GRIN2A: variants seen among roughly 807,000 people sequenced by gnomAD.
GRIN2A encodes the protein glutamate receptor ionotropic, NMDA 2A.
GRIN2A carries 22 observed loss-of-function variants against 113.4 expected under a neutral mutation model. The ratio of observed to expected loss-of-function variants is 0.19; its 90% CI spans 0.14 to 0.28. The LOEUF is 0.28. Ranked by LOEUF, GRIN2A falls within the 10% of genes least tolerant of loss-of-function variation. The pLI is 1.00. For synonymous variants in GRIN2A, 827 were observed against 738.4 expected (o/e 1.12, Z -1.94); for missense variants, 1,502 against 1,887.0 (o/e 0.80, Z 3.78).
chr16:9,927,861 A>T (rs1320784655), intron 3 of GRIN2A, among the ~76,000 whole-genome samples: 23 of 152,230 alleles, frequency 1.5e-4, no homozygotes, highest in Admixed American at 1.5e-3. Flanking sequence ...AAATGAGCAC[A>T]TTTCTCAGGA....
intron 2 of GRIN2A, among the ~76,000 whole-genome samples, chr16:10,063,762 T>C (rs1398113270): frequency 3.3e-5 from 5 of 152,128 alleles, no homozygotes; most frequent in Admixed American, 2.0e-4. Flanking sequence ...ACAGTGTCCA[T>C]AGGAGTCAAA....
chr16:9,938,589 G>A (rs1312448327), intron 2 of GRIN2A, 38 bp from the exon 3 acceptor site: 2 of 1,496,496 alleles, frequency 1.3e-6, no homozygotes, highest in East Asian at 2.3e-5. Context: ...GGATGAGGCA[G>A]GAGGTGGTTT....
intron 2 of GRIN2A, among the ~76,000 whole-genome samples, chr16:10,162,232 G>C (rs1169110317): frequency 5.9e-5 from 9 of 152,196 alleles, no homozygotes; most frequent in Admixed American, 5.2e-4. Flanking sequence ...CAGAAAGGGA[G>C]CCCACATGAG....
chr16:10,012,585 G>A lies in GRIN2A; in HGVS notation c.415-74034C>T, dbSNP rs555695075. On this transcript the variant is annotated intron_variant, in intron 2 of 12. Coordinates refer to ENST00000330684, the MANE Select transcript of GRIN2A (RefSeq NM_001134407.3). ...CAAAGGTGTCCATGTCCTAATCCCT[G>A]GAACCTGTGAATATGTTACCTTACA... Among the ~76,000 whole-genome samples, 157 of 152,290 alleles carry A rather than the reference G, an allele frequency of 1.0e-3. 1 individual carries two copies. The highest frequency in any genetic ancestry group is 3.6e-3 in the African/African-American group (151 of 41,552).
chr16:10,179,893 C>CCCCACACAAAAAAAAAAA, intron 2 of GRIN2A, 105 bp downstream of exon 2: 2 of 719,818 alleles, frequency 2.8e-6, no homozygotes, highest in Non-Finnish European at 4.8e-6. Flanking sequence ...CCCCCACCCC[C>CCCCACACAAAAAAAAAAA]ACTTCACATC....
At chr16:10,000,304 T>C (rs2046297577) in intron 2 of GRIN2A, among the ~76,000 whole-genome samples, 1 of 152,204 alleles carries the variant, frequency 6.6e-6, no homozygotes, top group South Asian at 2.1e-4. Context: ...AGAACATGCA[T>C]GTGTTAACCA....
intron 7 of GRIN2A, among the ~76,000 whole-genome samples, chr16:9,834,665 A>G (rs2042557250): frequency 6.6e-6 from 1 of 152,242 alleles, no homozygotes; most frequent in South Asian, 2.1e-4. Flanking sequence ...TACAGGCGTG[A>G]GCCACTGCTC....
chr16:10,084,301 T>A (rs1365556709), intron 2 of GRIN2A, among the ~76,000 whole-genome samples: 3 of 152,104 alleles, frequency 2.0e-5, no homozygotes, highest in Non-Finnish European at 4.4e-5. Context: ...TTTTTCCCAC[T>A]CAGCACTTTA....
rs181336471 is a variant in GRIN2A, at chr16:10,008,579, C to T, written c.415-70028G>A. On this transcript the variant is annotated intron_variant, in intron 2 of 12. Coordinates refer to ENST00000330684, the MANE Select transcript of GRIN2A (RefSeq NM_001134407.3). ...CCAACTAGGCAATGTTTACCCAAAA[C>T]AGCAACATAATCTCAGAAGCAGCAG... 6.6e-5 allele frequency among the ~76,000 whole-genome samples: 10 copies of T among 152,306 alleles called. No homozygotes were observed. In the East Asian group the frequency reaches 1.9e-3, roughly 29 times the overall value.
At chr16:9,931,696 T>C (rs1234934700) in intron 3 of GRIN2A, among the ~76,000 whole-genome samples, 1 of 152,250 alleles carries the variant, frequency 6.6e-6, no homozygotes, top group South Asian at 2.1e-4. Context: ...AAGTGTAAAA[T>C]GTGTCCCCTC....
intron 4 of GRIN2A, among the ~76,000 whole-genome samples, chr16:9,875,327 G>A (rs1016480540): frequency 2.6e-5 from 4 of 152,148 alleles, no homozygotes; most frequent in Non-Finnish European, 5.9e-5. Context: ...AGAGACCAAT[G>A]CTGAGAATAT....
rs1341967328 is a variant in GRIN2A at position 9,947,142 on chromosome 16, A to G, written c.415-8591T>C. 2.0e-5 allele frequency among the ~76,000 whole-genome samples: 3 copies of G among 151,998 alleles called. No individual in the cohort carries two copies. The East Asian group carries it at 5.8e-4, about 29-fold the overall frequency. On this transcript the variant is annotated intron_variant, in intron 2 of 12. Transcript: ENST00000330684. ...TTCATCATCCTTCCCTTTTCTTACC[A>G]TTCTTCTCTTTTTCTTCATCATTCT...
chr16:10,092,861 CTT>C (rs33949885), intron 2 of GRIN2A, among the ~76,000 whole-genome samples: 29,809 of 142,488 alleles, frequency 0.21, 3,549 homozygotes, highest in East Asian at 0.44. Context: ...TGAAAAGTTG[CTT>C]TTTTTTTTTT....
At chr16:10,042,353 G>C (rs967992806) in intron 2 of GRIN2A, among the ~76,000 whole-genome samples, 2 of 152,040 alleles carry the variant, frequency 1.3e-5, no homozygotes, top group Non-Finnish European at 2.9e-5. Flanking sequence ...GAGGAAGTTG[G>C]CTGCCATGAC....
rs769493453 is a variant in GRIN2A, at chr16:9,853,562, G to A, written c.1123-3601C>T. On this transcript the variant is annotated intron_variant, in intron 4 of 12. Coordinates refer to ENST00000330684, the MANE Select transcript of GRIN2A (RefSeq NM_001134407.3). ...AGAAGCATGAGAAACAAGTTTCTGTGGTTTATAAGCCACCCAGTCTATGGT... is the reference window on the plus strand; with the variant it reads ...AGAAGCATGAGAAACAAGTTTCTGTAGTTTATAAGCCACCCAGTCTATGGT... 4.5e-4 allele frequency among the ~76,000 whole-genome samples: 68 copies of A among 152,224 alleles called. 1 individual carries two copies. Among genetic ancestry groups the A allele is most frequent in the African/African-American group, 1.3e-3 (56 of 41,538 alleles).
rs928903507 is a variant in GRIN2A, at chr16:9,757,355, G to A, written c.*5794C>T. ...CGGAGTTACTTAAAGGTTTAGGGAA[G>A]GACTTTTTTTTTTTTTTTAAAAAAG... On this transcript the variant is annotated 3_prime_UTR_variant, in exon 13 of 13. Coordinates refer to ENST00000330684, the MANE Select transcript of GRIN2A (RefSeq NM_001134407.3). The A allele has an allele frequency of 1.8e-5, 4 of 221,850 alleles. No individual in the cohort carries two copies. Among genetic ancestry groups the A allele is most frequent in the Non-Finnish European group, 3.6e-5 (4 of 111,362 alleles). 13.7% of individuals were successfully genotyped at this position (221,850 alleles called of 1,614,324 possible).
intron 2 of GRIN2A, among the ~76,000 whole-genome samples, chr16:10,122,486 C>G (rs1375067): frequency 6.6e-6 from 1 of 151,876 alleles, no homozygotes; most frequent in Non-Finnish European, 1.5e-5. Context: ...GCCTGGAGCA[C>G]GTGATCTTTT....
chr16:10,033,983 T>G (rs1430019877), intron 2 of GRIN2A: 1 of 152,164 alleles, frequency 6.6e-6, no homozygotes, highest in East Asian at 1.9e-4. Context: ...ACGGGCCCAC[T>G]CTCTCTTCTT....
chr16:9,776,919 C>T (rs1486524150), intron 11 of GRIN2A, among the ~76,000 whole-genome samples: 1 of 152,146 alleles, frequency 6.6e-6, no homozygotes, highest in African/African-American at 2.4e-5. Context: ...GAGTTGTGGT[C>T]CTGCAATTGA....
Sources: allele counts gnomAD v4.1 joint callset (sites outside exome capture counted in the v4.1 genomes callset), GRCh38; gene constraint gnomAD v4.1.1; transcripts MANE v1.5; gene names NCBI Gene and HGNC (gene_info 2026-07-23, HGNC 2026-07-21).